The following KCNH1 variants were observed in gnomAD, a reference collection of about 807,000 sequenced individuals.
KCNH1 encodes potassium voltage-gated channel subfamily H member 1.
KCNH1 carries 27 observed loss-of-function variants against 69.2 expected under a neutral mutation model. That is an observed-to-expected ratio of 0.39 (90% confidence interval 0.29 to 0.54). The LOEUF (loss-of-function observed/expected upper bound fraction) is 0.54, where lower values mean the gene tolerates loss of function less well. Ranked by LOEUF, KCNH1 falls within the 20% of genes least tolerant of loss-of-function variation. The pLI is 0.68. For synonymous variants in KCNH1, 456 were observed against 487.7 expected (o/e 0.93, Z 0.86); for missense variants, 798 against 1,261.6 (o/e 0.63, Z 5.57).
At chr1:210,690,182 CTCTT>C (rs1478288190) in intron 10 of KCNH1, among the ~76,000 whole-genome samples, 2 of 152,174 alleles carry the variant, frequency 1.3e-5, no homozygotes, top group African/African-American at 4.8e-5. Context: ...CCACCTTTAA[CTCTT>C]TCTTTCTTAG....
chr1:211,023,618 T>C (rs1320856258), intron 5 of KCNH1, among the ~76,000 whole-genome samples: 1 of 151,482 alleles, frequency 6.6e-6, no homozygotes. Flanking sequence ...CTCCTAGAAG[T>C]AGAGAGTAGA....
chr1:210,919,629 G>A lies in KCNH1; in HGVS notation c.1462+11C>T. ...AGATGGCCAACCCCACCCCAGCACT[G>A]TCATACTTACAGCCAATCATCATGA... On this transcript the variant is annotated intron_variant, in intron 7 of 10. Coordinates refer to ENST00000271751, the MANE Select transcript of KCNH1 (RefSeq NM_172362.3). The surrounding 1 kb of genome is among the most constrained non-coding windows in gnomAD (Gnocchi z 4.2). 6.2e-7 allele frequency: 1 copy of A among 1,607,768 alleles called. No individual in the cohort carries two copies. The highest frequency in any genetic ancestry group is 8.5e-7 in the Non-Finnish European group (1 of 1,176,092).
In KCNH1 at chr1:211,059,266, C is replaced by A. The variant is rs190148963; in HGVS notation, c.558+23514G>T. ...CTATACTCCAGCCTGGGCAACAGAG[C>A]GAGACTCCATCTCAAAAAAAAAAAA... On this transcript the variant is annotated intron_variant, in intron 5 of 10. Coordinates refer to ENST00000271751, the MANE Select transcript of KCNH1 (RefSeq NM_172362.3). Among the ~76,000 whole-genome samples, 6 of 145,196 alleles carry A rather than the reference C, an allele frequency of 4.1e-5. No individual in the cohort carries two copies. The Admixed American group carries it at 4.2e-4, about 10-fold the overall frequency.
intron 6 of KCNH1, among the ~76,000 whole-genome samples, chr1:211,014,481 C>A (rs948375701): frequency 1.3e-5 from 2 of 152,208 alleles, no homozygotes; most frequent in Non-Finnish European, 2.9e-5. Flanking sequence ...CAAGTTTAGC[C>A]AAAGGGATCA....
At chr1:210,859,291 A>G (rs1685922762) in intron 7 of KCNH1, 3 of 1,573,642 alleles carry the variant, frequency 1.9e-6, no homozygotes, top group Non-Finnish European at 1.7e-6. Context: ...CTCTTCTTTG[A>G]TTGGCCAGAG....
chr1:210,857,144 G>A (rs1172713197), intron 7 of KCNH1, among the ~76,000 whole-genome samples: 2 of 151,810 alleles, frequency 1.3e-5, no homozygotes, highest in African/African-American at 4.8e-5. Context: ...ATTAAAATCT[G>A]AGAAGCACTG....
chr1:210,877,331 T>G (rs1686398560), intron 7 of KCNH1, among the ~76,000 whole-genome samples: 1 of 152,090 alleles, frequency 6.6e-6, no homozygotes, highest in Non-Finnish European at 1.5e-5. Flanking sequence ...ACAGAAAGTC[T>G]CATAGGTGTA....
At position 210,832,905 on chromosome 1, in the gene KCNH1, T is replaced by TAC. The variant is rs1295485467; in HGVS notation, c.1463-28741_1463-28740dup. 1.5e-4 allele frequency among the ~76,000 whole-genome samples: 13 copies of TAC among 87,492 alleles called. No individual in the cohort carries two copies. In the East Asian group the frequency reaches 3.2e-3, roughly 22 times the overall value. The allele number at this position is 87,492 out of a possible 152,430, so 57.4% of individuals were successfully genotyped here. A position where few individuals can be genotyped will look rare whatever the true frequency, so the allele number is the denominator to read the frequency against. ...TTAAACAGGTGTTGCATTTCTCAAATACATATATATATATATACATATAAA... is the reference window on the plus strand; with the variant it reads ...TTAAACAGGTGTTGCATTTCTCAAATACACATATATATATATATACATATAAA... On this transcript the variant is annotated intron_variant, in intron 7 of 10. Transcript: ENST00000271751.
chr1:210,780,177 C>A (rs932718211), intron 9 of KCNH1, among the ~76,000 whole-genome samples: 4 of 152,152 alleles, frequency 2.6e-5, no homozygotes, highest in Non-Finnish European at 4.4e-5. Context: ...CAATTCTGAT[C>A]TGAACCCTAC....
intron 7 of KCNH1, among the ~76,000 whole-genome samples, chr1:210,893,739 T>C (rs1686799143): frequency 6.6e-6 from 1 of 152,136 alleles, no homozygotes; most frequent in Non-Finnish European, 1.5e-5. Context: ...ATATTTGCCC[T>C]GTAAAGTTGT....
chr1:210,969,311 A>T (rs1688469366), intron 6 of KCNH1, among the ~76,000 whole-genome samples: 1 of 151,952 alleles, frequency 6.6e-6, no homozygotes, highest in Non-Finnish European at 1.5e-5. Flanking sequence ...TTCTTTCTCT[A>T]TTACCTGAAA....
intron 7 of KCNH1, among the ~76,000 whole-genome samples, chr1:210,884,650 C>G (rs1686565090): frequency 6.6e-6 from 1 of 152,188 alleles, no homozygotes; most frequent in African/African-American, 2.4e-5. Context: ...CTGCCATCCT[C>G]CTTGCCTGTT....
chr1:210,943,321 CT>C (rs899977452), intron 6 of KCNH1, among the ~76,000 whole-genome samples: 3 of 151,862 alleles, frequency 2.0e-5, no homozygotes, highest in African/African-American at 7.2e-5. Context: ...GTCTCCCCTT[CT>C]TTTTTTTATT....
intron 6 of KCNH1, among the ~76,000 whole-genome samples, chr1:210,965,484 T>C (rs745474284): frequency 3.3e-5 from 5 of 152,052 alleles, no homozygotes; most frequent in Non-Finnish European, 7.4e-5. Context: ...AAGTTTCATA[T>C]GGCACCAAAA....
intron 10 of KCNH1, among the ~76,000 whole-genome samples, chr1:210,695,020 T>C (rs1035399035): frequency 6.6e-6 from 1 of 152,206 alleles, no homozygotes; most frequent in African/African-American, 2.4e-5. Flanking sequence ...AGCGCCCATA[T>C]AGTGTTTGCT....
chr1:210,897,076 C>T (rs981465962), intron 7 of KCNH1, among the ~76,000 whole-genome samples: 13 of 152,194 alleles, frequency 8.5e-5, no homozygotes, highest in Non-Finnish European at 2.9e-5. Context: ...GCTCCACTCA[C>T]AATGGGATCA....
At chr1:211,009,111 G>A (rs181915282) in intron 6 of KCNH1, among the ~76,000 whole-genome samples, 4 of 152,296 alleles carry the variant, frequency 2.6e-5, no homozygotes, top group Admixed American at 6.5e-5. Context: ...AACAGACTAT[G>A]GAGTGCCTGA....
chr1:211,057,899 C>A (rs1198806075), intron 5 of KCNH1, among the ~76,000 whole-genome samples: 3 of 151,994 alleles, frequency 2.0e-5, no homozygotes, highest in African/African-American at 7.3e-5. Context: ...AATAAAACTA[C>A]CTCAAGACAT....
chr1:211,077,662 T>C (rs1308941260), intron 5 of KCNH1, among the ~76,000 whole-genome samples: 2 of 152,054 alleles, frequency 1.3e-5, no homozygotes. Flanking sequence ...ACATACCAAA[T>C]TGTAAAGACT....
Sources: allele counts gnomAD v4.1 joint callset (sites outside exome capture counted in the v4.1 genomes callset), GRCh38; gene constraint gnomAD v4.1.1; non-coding constraint Gnocchi (gnomAD v3.1); transcripts MANE v1.5; gene names NCBI Gene and HGNC (gene_info 2026-07-23, HGNC 2026-07-21).